ENTREP1: variants seen among roughly 807,000 people sequenced by gnomAD.
The protein encoded by ENTREP1 is endosomal transmembrane epsin interactor 1.
At chr9:69,361,828 T>C in the ENTREP1 span, among the ~76,000 whole-genome samples, 1 of 152,186 alleles carries the variant, frequency 6.6e-6, no homozygotes. Flanking sequence ...TTTGGCTTTC[T>C]TCATTGCTTT....
chr9:69,377,844 G>A, the ENTREP1 span: 1 of 1,295,968 alleles, frequency 7.7e-7, no homozygotes, highest in Non-Finnish European at 1.0e-6. Context: ...ACTTTTCTTT[G>A]AAAAAGAAAA....
chr9:69,345,708 T>C, the ENTREP1 span, among the ~76,000 whole-genome samples: 1 of 152,222 alleles, frequency 6.6e-6, no homozygotes, highest in Non-Finnish European at 1.5e-5. Flanking sequence ...GTCCAAGGGA[T>C]TCTCGTGCCT....
At chr9:69,370,108 A>G in the ENTREP1 span, among the ~76,000 whole-genome samples, 8 of 152,064 alleles carry the variant, frequency 5.3e-5, no homozygotes, top group African/African-American at 1.9e-4. Context: ...CACCCATTTT[A>G]TAGTTGATAA....
chr9:69,379,235 T>C, the ENTREP1 span, among the ~76,000 whole-genome samples: 3 of 152,238 alleles, frequency 2.0e-5, no homozygotes, highest in Non-Finnish European at 4.4e-5. Flanking sequence ...GGTATGTGAC[T>C]TTGAGATAGG....
the ENTREP1 span, among the ~76,000 whole-genome samples, chr9:69,332,737 CT>C: frequency 1.3e-5 from 2 of 152,156 alleles, no homozygotes; most frequent in Non-Finnish European, 2.9e-5. Flanking sequence ...TGACAGTTGA[CT>C]CTGTCATGAT....
At chr9:69,367,451 G>A in the ENTREP1 span, among the ~76,000 whole-genome samples, 1 of 150,830 alleles carries the variant, frequency 6.6e-6, no homozygotes. Flanking sequence ...TGGGGAATAT[G>A]CTCATTTTGA....
chr9:69,366,107 G>T, the ENTREP1 span, among the ~76,000 whole-genome samples: 445 of 152,224 alleles, frequency 2.9e-3, 4 homozygotes, highest in African/African-American at 0.01. Flanking sequence ...TCTCCATACT[G>T]TGTTTCATAA....
the ENTREP1 span, chr9:69,375,599 C>T: frequency 1.5e-6 from 1 of 666,476 alleles, no homozygotes; most frequent in Non-Finnish European, 2.6e-6. Context: ...ATACCCTAGC[C>T]CATCCTGACT....
the ENTREP1 span, chr9:69,388,226 C>CTT: frequency 6.2e-7 from 1 of 1,614,186 alleles, no homozygotes; most frequent in Non-Finnish European, 8.5e-7. Context: ...TGCAGTGACT[C>CTT]TGAGGAGAGG....
the ENTREP1 span, among the ~76,000 whole-genome samples, chr9:69,354,254 ATTTTTTTTTT>A: frequency 9.5e-6 from 1 of 105,648 alleles, no homozygotes; most frequent in East Asian, 2.7e-4. Context: ...CTATTGCAAC[ATTTTTTTTTT>A]TTTTTTTTTT....
chr9:69,364,362 C>A, the ENTREP1 span, among the ~76,000 whole-genome samples: 1 of 148,870 alleles, frequency 6.7e-6, no homozygotes. Flanking sequence ...ATTTGAGTTT[C>A]AAGAGAAACT....
the ENTREP1 span, among the ~76,000 whole-genome samples, chr9:69,355,866 G>T: frequency 6.6e-6 from 1 of 152,210 alleles, no homozygotes; most frequent in Admixed American, 6.5e-5. Context: ...ATGGTGGCTG[G>T]TTTCTGAGAT....
At chr9:69,336,922 A>C in the ENTREP1 span, among the ~76,000 whole-genome samples, 1 of 149,746 alleles carries the variant, frequency 6.7e-6, no homozygotes. Flanking sequence ...CTGGTCTCAA[A>C]CTCCTGACCT....
At chr9:69,384,038 T>C in the ENTREP1 span, 5 of 1,571,866 alleles carry the variant, frequency 3.2e-6, no homozygotes, top group Admixed American at 8.3e-5. Flanking sequence ...AATAGATACA[T>C]TGTGACATGA....
At chr9:69,334,222 T>C in the ENTREP1 span, among the ~76,000 whole-genome samples, 1 of 152,100 alleles carries the variant, frequency 6.6e-6, no homozygotes, top group Non-Finnish European at 1.5e-5. Context: ...CAGGCAGAAA[T>C]TGTTTAGGGT....
At chr9:69,367,672 C>CATATATATAAATATATATATACACAT in the ENTREP1 span, among the ~76,000 whole-genome samples, 677 of 113,650 alleles carry the variant, frequency 6.0e-3, 94 homozygotes, top group African/African-American at 0.02. Context: ...TATATACACA[C>CATATATATAAATATATATATACACAT]ATATATAAAT....
the ENTREP1 span, chr9:69,375,827 C>T: frequency 2.7e-5 from 44 of 1,613,956 alleles, no homozygotes; most frequent in Admixed American, 6.7e-5. Context: ...AAACTCTTTC[C>T]GGTTCAGCCC....
chr9:69,346,752 A>C, the ENTREP1 span, among the ~76,000 whole-genome samples: 4 of 152,232 alleles, frequency 2.6e-5, no homozygotes, highest in African/African-American at 9.6e-5. Flanking sequence ...CCAACATTCC[A>C]GTGTCTGTGT....
the ENTREP1 span, chr9:69,382,902 A>G: frequency 0.032 from 12,239 of 378,068 alleles, 647 homozygotes; most frequent in African/African-American, 0.17. Context: ...TTGATACTCC[A>G]TAGCAGAATG....
Sources: gnomAD v4.1 joint callset for allele counts (sites outside exome capture counted in the v4.1 genomes callset) on GRCh38, gnomAD v4.1.1 for gene constraint, MANE v1.5 for transcripts, NCBI Gene and HGNC (gene_info 2026-07-23, HGNC 2026-07-21) for gene names.